The following MINDY2 variants were observed in gnomAD, a reference collection of about 807,000 sequenced individuals.
MINDY2 encodes ubiquitin carboxyl-terminal hydrolase MINDY-2.
Under a neutral mutation model 68.2 loss-of-function variants are expected in MINDY2, and 52 were observed. That is an observed-to-expected ratio of 0.76 (90% CI 0.61 to 0.96). MINDY2 has a LOEUF of 0.96. Among genes scored for constraint, MINDY2 ranks in the 40% least tolerant of loss-of-function variants. The probability of loss-of-function intolerance (pLI) is 0.00; values close to 1 mark genes in which losing one functional copy is unlikely to be tolerated. For synonymous variants in MINDY2, 372 were observed against 303.0 expected, an observed-to-expected ratio of 1.23 and a Z score of -2.36; for missense variants, 881 against 773.4, an observed-to-expected ratio of 1.14 and a Z score of -1.65.
chr15:58,796,275 A>C (rs187047659), intron 2 of MINDY2: 437 of 371,140 alleles, frequency 1.2e-3, no homozygotes, highest in East Asian at 4.0e-3. Context: ...TTTGAGGGTT[A>C]GTTGGAAACT....
intron 5 of MINDY2, among the ~76,000 whole-genome samples, chr15:58,828,575 CTTTTTTTTTT>C (rs1163905877): frequency 1.3e-4 from 14 of 106,120 alleles, no homozygotes; most frequent in Middle Eastern, 9.7e-3. Flanking sequence ...TATTGAATTT[CTTTTTTTTTT>C]TTTTTTTTTT....
intron 4 of MINDY2, among the ~76,000 whole-genome samples, chr15:58,818,651 ATTTT>A (rs202083877): frequency 7.6e-6 from 1 of 131,548 alleles, no homozygotes; most frequent in Non-Finnish European, 1.6e-5. Flanking sequence ...TTGTATATTG[ATTTT>A]TTTTTTTTTT....
chr15:58,811,279 C>G (rs1217966389), intron 4 of MINDY2, among the ~76,000 whole-genome samples: 2 of 152,250 alleles, frequency 1.3e-5, no homozygotes, highest in African/African-American at 4.8e-5. Context: ...ATATATCCAT[C>G]ACTCTAACTG....
chr15:58,774,254 G>A (rs1458760940), intron 1 of MINDY2, among the ~76,000 whole-genome samples: 4 of 152,088 alleles, frequency 2.6e-5, no homozygotes, highest in South Asian at 2.1e-4. Flanking sequence ...AGGCCGAGGC[G>A]GGTGGATCAC....
intron 6 of MINDY2, among the ~76,000 whole-genome samples, chr15:58,846,480 C>G (rs1382194220): frequency 6.6e-6 from 1 of 151,780 alleles, no homozygotes; most frequent in Non-Finnish European, 1.5e-5. Flanking sequence ...GTAGTCCCAG[C>G]TACTCAGGAG....
rs543774487 is a variant in MINDY2 at position 58,857,054 on chromosome 15, A to G, written c.*2444A>G. On this transcript the variant is annotated 3_prime_UTR_variant, in exon 9 of 9. Transcript: ENST00000559228. ...TATACTTACAAGGAAAAACTAAAAA[A>G]TGTAATGTGTTAATTCAGCCTTTTT... The G allele has an allele frequency of 1.9e-4, 29 of 152,356 alleles. No homozygotes were observed. The highest frequency in any genetic ancestry group is 6.7e-4 in the African/African-American group (28 of 41,588). 9.4% of individuals were successfully genotyped at this position (152,356 alleles called of 1,614,324 possible).
intron 6 of MINDY2, among the ~76,000 whole-genome samples, chr15:58,846,506 T>C (rs980318948): frequency 6.7e-6 from 1 of 148,734 alleles, no homozygotes; most frequent in Non-Finnish European, 1.5e-5. Context: ...GGCAGGAGAA[T>C]CGCTTGAACC....
rs1168329596 is a variant in MINDY2, at chr15:58,859,108, T to G, written c.*4498T>G. ...GTCAGTTTTTTTAATGCTGTCAAAA[T>G]TTGTAGAATTTTCTTTGAGTATGGC... On this transcript the variant is annotated 3_prime_UTR_variant, in exon 9 of 9. Coordinates refer to ENST00000559228, the MANE Select transcript of MINDY2 (RefSeq NM_001040450.3). The G allele has an allele frequency of 6.6e-6, 1 of 152,112 alleles. No homozygotes were observed. Among genetic ancestry groups the G allele is most frequent in the Non-Finnish European group, 1.5e-5 (1 of 67,958 alleles). 9.4% of individuals were successfully genotyped at this position (152,112 alleles called of 1,614,324 possible).
intron 6 of MINDY2, among the ~76,000 whole-genome samples, chr15:58,839,269 C>G (rs2032158660): frequency 6.6e-6 from 1 of 152,066 alleles, no homozygotes; most frequent in Non-Finnish European, 1.5e-5. Context: ...TAACTCCCAT[C>G]TCTAGATATT....
intron 6 of MINDY2, among the ~76,000 whole-genome samples, chr15:58,841,696 C>A (rs763773813): frequency 6.6e-6 from 1 of 152,212 alleles, no homozygotes; most frequent in Admixed American, 6.5e-5. Flanking sequence ...TGAGCCACCG[C>A]GCCCGGCTGA....
chr15:58,848,823 T>C (rs186885869), intron 7 of MINDY2, among the ~76,000 whole-genome samples: 171 of 152,324 alleles, frequency 1.1e-3, no homozygotes, highest in Non-Finnish European at 1.9e-3. Flanking sequence ...GTTCTGAAAG[T>C]CGTGCTCATT....
intron 6 of MINDY2, among the ~76,000 whole-genome samples, chr15:58,836,212 T>C (rs1190791417): frequency 6.6e-6 from 1 of 151,818 alleles, no homozygotes; most frequent in Non-Finnish European, 1.5e-5. Flanking sequence ...ACCCGGCCTA[T>C]TGCATCTCAA....
intron 3 of MINDY2, among the ~76,000 whole-genome samples, chr15:58,807,405 G>T (rs1903099139): frequency 7.2e-6 from 1 of 138,902 alleles, no homozygotes; most frequent in Non-Finnish European, 1.5e-5. Context: ...GCCCAGGCTG[G>T]AGTGCAGTGG....
rs1157376592 is a variant in MINDY2, at chr15:58,782,911, G to GTTTTTTTTTTTTTTTTTTTTTTTTTTTT, written c.841-4969_841-4968insTTTTTTTTTTTTTTTTTTTTTTTTTTTT. Among the ~76,000 whole-genome samples the GTTTTTTTTTTTTTTTTTTTTTTTTTTTT allele has an allele frequency of 7.8e-5, 5 of 64,470 alleles. 2 individuals carry two copies. The highest frequency in any genetic ancestry group is 1.2e-4 in the African/African-American group (2 of 16,836). 42.3% of individuals were successfully genotyped at this position (64,470 alleles called of 152,430 possible). On this transcript the variant is annotated intron_variant, in intron 1 of 8. Coordinates refer to ENST00000559228, the MANE Select transcript of MINDY2 (RefSeq NM_001040450.3). Reference sequence around the variant, plus strand: ...TCAATATATTTAATTTTTTCTCTCTGTTTTTTTTTTTTTTTTTTTTTTTTT... The same window carrying GTTTTTTTTTTTTTTTTTTTTTTTTTTTT: ...TCAATATATTTAATTTTTTCTCTCTGTTTTTTTTTTTTTTTTTTTTTTTTTTTTTTTTTTTTTTTTTTTTTTTTTTTTT...
chr15:58,805,857 C>A (rs1179025509), intron 3 of MINDY2, among the ~76,000 whole-genome samples: 2 of 152,110 alleles, frequency 1.3e-5, no homozygotes, highest in Non-Finnish European at 2.9e-5. Flanking sequence ...GGGGGGATCA[C>A]AAGGTCTGGA....
At chr15:58,854,451 A>T in intron 8 of MINDY2, 31 bp from the exon 9 acceptor site, 1 of 1,600,710 alleles carries the variant, frequency 6.2e-7, no homozygotes, top group Non-Finnish European at 8.5e-7. Context: ...GAATAGTTAG[A>T]GTAATTTCTT....
chr15:58,840,177 A>C (rs765017040), intron 6 of MINDY2, among the ~76,000 whole-genome samples: 1 of 148,358 alleles, frequency 6.7e-6, no homozygotes, highest in Admixed American at 6.8e-5. Context: ...TGCCATCATG[A>C]GGTCACAATG....
intron 6 of MINDY2, among the ~76,000 whole-genome samples, chr15:58,846,643 G>A (rs544798146): frequency 1.3e-5 from 2 of 149,262 alleles, no homozygotes; most frequent in African/African-American, 4.9e-5. Flanking sequence ...ATACATACAC[G>A]TACTATGTAT....
chr15:58,773,943 A>G (rs1433957846), intron 1 of MINDY2, among the ~76,000 whole-genome samples: 1 of 152,318 alleles, frequency 6.6e-6, no homozygotes, highest in East Asian at 1.9e-4. Context: ...AAGGGCCCTC[A>G]ACTAGGGAGT....
Sources: allele counts gnomAD v4.1 joint callset (sites outside exome capture counted in the v4.1 genomes callset), GRCh38; gene constraint gnomAD v4.1.1; transcripts MANE v1.5; gene names NCBI Gene and HGNC (gene_info 2026-07-23, HGNC 2026-07-21).